PTER: variants seen among roughly 807,000 people sequenced by gnomAD.
The protein encoded by PTER is phosphotriesterase related.
Under a neutral mutation model 29.6 loss-of-function variants are expected in PTER, and 38 were observed. The observed-to-expected ratio is 1.28, with a 90% CI of 0.99 to 1.68. The LOEUF is 1.68. Ranked by LOEUF, PTER falls within the 40% of genes most tolerant of loss-of-function variation. The probability of loss-of-function intolerance (pLI) is 0.00; values close to 1 mark genes in which losing one functional copy is unlikely to be tolerated. For synonymous variants in PTER, 172 were observed against 154.5 expected (o/e 1.11, Z -0.84); for missense variants, 482 against 427.8 (o/e 1.13, Z -1.12).
At chr10:16,491,183 A>G (rs2133466066) in intron 3 of PTER, among the ~76,000 whole-genome samples, 1 of 152,246 alleles carries the variant, frequency 6.6e-6, no homozygotes, top group Non-Finnish European at 1.5e-5. Context: ...TCCATTCTGT[A>G]CCTATCTGAT....
intron 1 of PTER, among the ~76,000 whole-genome samples, chr10:16,458,228 T>G (rs1834483752): frequency 6.6e-6 from 1 of 152,088 alleles, no homozygotes; most frequent in African/African-American, 2.4e-5. Flanking sequence ...CCCAGCACTT[T>G]TTTTTTTTAA....
At chr10:16,480,416 G>A (rs190956884) in intron 1 of PTER, among the ~76,000 whole-genome samples, 14 of 151,966 alleles carry the variant, frequency 9.2e-5, no homozygotes, top group Admixed American at 8.5e-4. Context: ...GGCTGGTCTC[G>A]AACTCCTGGC....
chr10:16,514,144 C>T, downstream of PTER: 1 of 398,104 alleles, frequency 2.5e-6, no homozygotes, highest in East Asian at 3.6e-5. Flanking sequence ...AGCAGGTAAA[C>T]TCACAAGAAC....
intron 4 of PTER, among the ~76,000 whole-genome samples, chr10:16,509,665 T>C (rs1836734223): frequency 1.3e-5 from 2 of 152,198 alleles, no homozygotes; most frequent in Non-Finnish European, 2.9e-5. Context: ...TATGTGATAA[T>C]ATAACTTATC....
intron 1 of PTER, among the ~76,000 whole-genome samples, chr10:16,455,705 A>C (rs983594778): frequency 6.6e-6 from 1 of 152,196 alleles, no homozygotes; most frequent in Non-Finnish European, 1.5e-5. Context: ...TAAAAAGAGC[A>C]AGCCAAGAGG....
chr10:16,447,364 G>C (rs1405120984), intron 1 of PTER, among the ~76,000 whole-genome samples: 4 of 151,860 alleles, frequency 2.6e-5, no homozygotes, highest in Non-Finnish European at 5.9e-5. Context: ...ACCTCCCAAA[G>C]TGCTAAGATT....
intron 1 of PTER, among the ~76,000 whole-genome samples, chr10:16,467,056 ATTT>A (rs1834862385): frequency 6.6e-6 from 1 of 152,034 alleles, no homozygotes; most frequent in South Asian, 2.1e-4. Context: ...ACTTGCTGTT[ATTT>A]TTTTATATGC....
chr10:16,450,756 C>A (rs146948062), intron 1 of PTER, among the ~76,000 whole-genome samples: 2 of 152,178 alleles, frequency 1.3e-5, no homozygotes, highest in Admixed American at 1.3e-4. Context: ...GCTTTCATTA[C>A]CTTGTCCAGC....
At position 16,474,199 on chromosome 10, in the gene PTER, A is replaced by G. The variant is rs11815901; in HGVS notation, c.-48-10138A>G. ...AATTGGTAGGAATGGTATCAAGACAAGTGCTTCAGAATAGAAGTTGCATAA... is the reference window on the plus strand; with the variant it reads ...AATTGGTAGGAATGGTATCAAGACAGGTGCTTCAGAATAGAAGTTGCATAA... On this transcript the variant is annotated intron_variant, in intron 1 of 4. Transcript: ENST00000535784. 9.7e-3 allele frequency among the ~76,000 whole-genome samples: 1,474 copies of G among 152,330 alleles called. 23 individuals are homozygous for G. The highest frequency in any genetic ancestry group is 0.034 in the African/African-American group (1,413 of 41,564).
chr10:16,445,087 T>C (rs993839542), intron 1 of PTER, among the ~76,000 whole-genome samples: 1 of 152,214 alleles, frequency 6.6e-6, no homozygotes, highest in African/African-American at 2.4e-5. Context: ...TTAAAAAGTT[T>C]AAATAAAAGT....
At chr10:16,471,660 T>C (rs988908194) in intron 1 of PTER, among the ~76,000 whole-genome samples, 3 of 152,226 alleles carry the variant, frequency 2.0e-5, no homozygotes, top group African/African-American at 7.2e-5. Context: ...TCCTCATTTT[T>C]TTCTTCACAT....
intron 1 of PTER, among the ~76,000 whole-genome samples, chr10:16,455,660 T>C (rs1176102571): frequency 6.6e-6 from 1 of 152,072 alleles, no homozygotes; most frequent in Non-Finnish European, 1.5e-5. Flanking sequence ...CACTGCACTC[T>C]AGCCTGGGCA....
intron 1 of PTER, among the ~76,000 whole-genome samples, chr10:16,465,906 TA>T (rs534123056): frequency 2.9e-4 from 44 of 152,188 alleles, no homozygotes; most frequent in African/African-American, 1.0e-3. Context: ...CATAAAACCA[TA>T]AGATCTCATG....
chr10:16,460,111 A>G (rs1834557986), intron 1 of PTER, among the ~76,000 whole-genome samples: 3 of 152,128 alleles, frequency 2.0e-5, no homozygotes, highest in African/African-American at 4.8e-5. Context: ...AAATTACTAG[A>G]GTCTTATTTT....
chr10:16,518,159 G>A (rs1836982861), downstream of PTER, among the ~76,000 whole-genome samples: 1 of 152,166 alleles, frequency 6.6e-6, no homozygotes, highest in African/African-American at 2.4e-5. Flanking sequence ...TGAAAAGCAA[G>A]AGTGAAGTAT....
chr10:16,463,198 T>TAA (rs535136619), intron 1 of PTER, among the ~76,000 whole-genome samples: 88 of 79,368 alleles, frequency 1.1e-3, no homozygotes, highest in East Asian at 1.6e-3. Context: ...AGACTCTGTC[T>TAA]AAAAAAAAAA....
chr10:16,470,793 A>C (rs956419525), intron 1 of PTER, among the ~76,000 whole-genome samples: 1 of 152,026 alleles, frequency 6.6e-6, no homozygotes, highest in African/African-American at 2.4e-5. Context: ...AATTCTTCTT[A>C]TGGTTCTGTT....
At chr10:16,509,798 T>C (rs989339692) in intron 4 of PTER, among the ~76,000 whole-genome samples, 1 of 152,212 alleles carries the variant, frequency 6.6e-6, no homozygotes, top group Non-Finnish European at 1.5e-5. Flanking sequence ...CATGCACTTA[T>C]AGGACAGGCA....
rs116577772 is a variant in PTER at position 16,450,143 on chromosome 10, A to G, written c.-49+13096A>G. On this transcript the variant is annotated intron_variant, in intron 1 of 4. Transcript: ENST00000535784. ...CAGAAAAGTAAAGCAATTCTTCTGG[A>G]ATGTAGCGCACCCCCTCATGGGTCA... Among the ~76,000 whole-genome samples the G allele has an allele frequency of 6.4e-3, 970 of 152,302 alleles. 9 individuals are homozygous for G. The highest frequency in any genetic ancestry group is 0.022 in the African/African-American group (931 of 41,570).
Sources: allele counts gnomAD v4.1 joint callset (sites outside exome capture counted in the v4.1 genomes callset), GRCh38; gene constraint gnomAD v4.1.1; transcripts MANE v1.5; gene names NCBI Gene and HGNC (gene_info 2026-07-23, HGNC 2026-07-21).